TSC22D4: variants seen among roughly 807,000 people sequenced by gnomAD.
The protein encoded by TSC22D4 is TSC22 domain family protein 4.
TSC22D4 carries 5 observed loss-of-function variants against 24.9 expected under a neutral mutation model. The ratio of observed to expected loss-of-function variants is 0.20; its 90% confidence interval spans 0.10 to 0.42. The LOEUF (loss-of-function observed/expected upper bound fraction) is 0.42. Among genes scored for constraint, TSC22D4 ranks in the 10% least tolerant of loss-of-function variants. The probability of loss-of-function intolerance (pLI) is 1.00; values close to 1 mark genes in which losing one functional copy is unlikely to be tolerated. For missense variants in TSC22D4, 469 were observed against 547.9 expected (o/e 0.86, Z 1.44); for synonymous variants, 245 against 243.2 (o/e 1.01, Z -0.07).
chr7:100,466,984 G>A lies in TSC22D4; in HGVS notation c.1163C>T (p.Pro388Leu). The change falls in exon 5 of 5, where the codon CCT becomes CTT. Residue 388 changes from proline (P) to leucine (L), a missense_variant. Coordinates refer to ENST00000300181, the MANE Select transcript of TSC22D4 (RefSeq NM_030935.5). The stretch of plus-strand genomic sequence containing the variant: ...TCAGACGGAGGGCCCATTGGGCGCA[G>A]GGGGCCCAAGCCGTGGGACCCCCGA... ...PSSGVPRLGP[P>L]APNGPSV 6.3e-7 allele frequency: 1 copy of A among 1,587,566 alleles called. No homozygotes were observed. Among genetic ancestry groups the A allele is most frequent in the Non-Finnish European group, 8.6e-7 (1 of 1,166,878 alleles).
chr7:100,477,683 G>A lies in TSC22D4; in HGVS notation c.356C>T (p.Ala119Val), dbSNP rs376993526. The A allele has an allele frequency of 1.2e-4, 196 of 1,592,460 alleles. No individual in the cohort carries two copies. Among genetic ancestry groups the A allele is most frequent in the Non-Finnish European group, 1.6e-4 (188 of 1,175,492 alleles). Residue 119 changes from alanine (A) to valine (V), a missense_variant, in exon 2 of 5, where the codon GCC becomes GTC. By Grantham distance (64) the Ala-to-Val change is moderately conservative. Coordinates refer to ENST00000300181, the MANE Select transcript of TSC22D4 (RefSeq NM_030935.5). This position sits in a 1 kb window ranked among gnomAD's most constrained non-coding sequence, Gnocchi z 7.8. ...CCTGGAATCCAAAGATCTGCCCCCG[G>A]CGCCCCCTGAGGCCCCTCGAATTCC... ...LEGIRGASGG[A>V]GGRSLDSRLE...
At chr7:100,467,203 G>T in intron 4 of TSC22D4, 35 bp from the exon 5 acceptor site, 1 of 1,604,132 alleles carries the variant, frequency 6.2e-7, no homozygotes, top group Non-Finnish European at 8.5e-7. Flanking sequence ...CGTCAACGGG[G>T]TGGGTGCCTC....
At position 100,474,163 on chromosome 7, in the gene TSC22D4, C is replaced by T; in HGVS notation, c.929+111G>A. 1 of 1,452,208 alleles carries T rather than the reference C, an allele frequency of 6.9e-7. No individual in the cohort carries two copies. The highest frequency in any genetic ancestry group is 2.3e-5 in the East Asian group (1 of 43,488). The allele number at this position is 1,452,208 out of a possible 1,614,324, so 90.0% of individuals were successfully genotyped here. A position where few individuals can be genotyped will look rare whatever the true frequency, so the allele number is the denominator to read the frequency against. Reference sequence around the variant, plus strand: ...GCCAGGTTTCTCTAAGAGGTCCTCTCCAAGTTCAACCTGGGGGAAGGATGC... The same window carrying T: ...GCCAGGTTTCTCTAAGAGGTCCTCTTCAAGTTCAACCTGGGGGAAGGATGC... On this transcript the variant is annotated intron_variant, in intron 3 of 4. Coordinates refer to ENST00000300181, the MANE Select transcript of TSC22D4 (RefSeq NM_030935.5). The surrounding 1 kb of genome is among the most constrained non-coding windows in gnomAD (Gnocchi z 4.3).
chr7:100,471,889 G>GA (rs1391405439), intron 3 of TSC22D4, among the ~76,000 whole-genome samples: 1 of 152,102 alleles, frequency 6.6e-6, no homozygotes, highest in East Asian at 1.9e-4. Context: ...ATAAATAAAT[G>GA]TACCTTTTCT....
intron 2 of TSC22D4, among the ~76,000 whole-genome samples, chr7:100,475,828 GA>G (rs141615785): frequency 0.033 from 5,003 of 152,066 alleles, 290 homozygotes; most frequent in African/African-American, 0.11. Flanking sequence ...CAGCTTCTCA[GA>G]AAAGCCAAGA....
intron 3 of TSC22D4, among the ~76,000 whole-genome samples, chr7:100,469,013 G>A (rs1430278618): frequency 6.6e-6 from 1 of 151,920 alleles, no homozygotes; most frequent in Non-Finnish European, 1.5e-5. Flanking sequence ...ATCACCTGAG[G>A]TCAGAAGTTT....
rs1799460222 is a variant in TSC22D4, at chr7:100,474,656, G to A, written c.763-216C>T. Among the ~76,000 whole-genome samples, 1 of 152,124 alleles carries A rather than the reference G, an allele frequency of 6.6e-6. No individual in the cohort carries two copies. The highest frequency in any genetic ancestry group is 1.5e-5 in the Non-Finnish European group (1 of 68,026). ...AGTGGGTCAACCTAAGGAATGGGAG[G>A]AGTGGTGTATAGGACATTAGAGAGA... On this transcript the variant is annotated intron_variant, in intron 2 of 4. Transcript: ENST00000300181. This position sits in a 1 kb window ranked among gnomAD's most constrained non-coding sequence, Gnocchi z 4.3.
Position 100,474,500 on chromosome 7 carries a change from T to C in TSC22D4, c.763-60A>G. On this transcript the variant is annotated intron_variant, in intron 2 of 4. Coordinates refer to ENST00000300181, the MANE Select transcript of TSC22D4 (RefSeq NM_030935.5). This position sits in a 1 kb window ranked among gnomAD's most constrained non-coding sequence, Gnocchi z 4.3. ...AGAGAAAAGAAAGGAACCAGCTGCC[T>C]TAAAACTTGCCTATTAGCCTTCCTC... 2 of 1,595,348 alleles carry C rather than the reference T, an allele frequency of 1.3e-6. No individual in the cohort carries two copies. Among genetic ancestry groups the C allele is most frequent in the Admixed American group, 3.5e-5 (2 of 57,764 alleles).
chr7:100,477,869 G>T lies in TSC22D4; in HGVS notation c.170C>A (p.Thr57Asn), dbSNP rs771834307. The T allele has an allele frequency of 1.3e-6, 2 of 1,587,202 alleles. No individual in the cohort carries two copies. Among genetic ancestry groups the T allele is most frequent in the South Asian group, 2.3e-5 (2 of 88,366 alleles). Residue 57 changes from threonine to asparagine, a missense_variant, in exon 2 of 5, where the codon ACC (threonine) becomes AAC (asparagine). By Grantham distance (65) the Thr-to-Asn change is moderately conservative. Coordinates refer to ENST00000300181, the MANE Select transcript of TSC22D4 (RefSeq NM_030935.5). This position sits in a 1 kb window ranked among gnomAD's most constrained non-coding sequence, Gnocchi z 7.8. The part of the protein sequence containing the change: ...EPSPDPGGKG[T>N]PRNGSPPPGA... ...AGGTGGTGGGGAGCCATTCCGGGGG[G>T]TGCCCTTGCCCCCCGGATCGGGGCT...
Position 100,477,143 on chromosome 7 carries a change from GC to G in TSC22D4, c.762+133del. 1.4e-6 allele frequency: 1 copy of G among 737,840 alleles called. No homozygotes were observed. The highest frequency in any genetic ancestry group is 2.0e-6 in the Non-Finnish European group (1 of 494,110). The allele number at this position is 737,840 out of a possible 1,614,324, so 45.7% of individuals were successfully genotyped here. A position where few individuals can be genotyped will look rare whatever the true frequency, so the allele number is the denominator to read the frequency against. On this transcript the variant is annotated intron_variant, in intron 2 of 4. Transcript: ENST00000300181. The surrounding 1 kb of genome is among the most constrained non-coding windows in gnomAD (Gnocchi z 7.8). ...AAGGGGCTTCAGAGTGACCTGGCAG[GC>G]ACAGAGAAGAGGGCTATCTGATCTT...
chr7:100,467,828 G>A, intron 3 of TSC22D4: 2 of 694,964 alleles, frequency 2.9e-6, no homozygotes, highest in Non-Finnish European at 2.7e-6. Context: ...GCACCCCGGG[G>A]AGAGCAAGGG....
intron 3 of TSC22D4, among the ~76,000 whole-genome samples, chr7:100,473,263 T>C (rs1312816293): frequency 1.3e-5 from 2 of 152,076 alleles, no homozygotes; most frequent in Middle Eastern, 3.2e-3. Flanking sequence ...TGTTCCTAGC[T>C]GGCCCATCTT....
chr7:100,472,766 C>T (rs1338176760), intron 3 of TSC22D4, among the ~76,000 whole-genome samples: 1 of 151,662 alleles, frequency 6.6e-6, no homozygotes, highest in Non-Finnish European at 1.5e-5. Context: ...CTCCTGGCCA[C>T]CTCCTTTGCC....
At chr7:100,467,719 A>G (rs1449958776) in intron 3 of TSC22D4, 119 bp from the exon 4 acceptor site, 5 of 1,078,368 alleles carry the variant, frequency 4.6e-6, no homozygotes, top group Non-Finnish European at 7.1e-6. Flanking sequence ...AATGAGGGAG[A>G]GGAGGGTTTT....
At chr7:100,469,659 G>C (rs1410428421) in intron 3 of TSC22D4, among the ~76,000 whole-genome samples, 15 of 152,122 alleles carry the variant, frequency 9.9e-5, no homozygotes, top group Non-Finnish European at 2.2e-4. Flanking sequence ...GCTGTGGCGG[G>C]ATCCCCAGTC....
rs755734414 is a variant in TSC22D4 at position 100,477,897 on chromosome 7, G to A, written c.142C>T (p.Pro48Ser). 1.1e-5 allele frequency: 17 copies of A among 1,569,474 alleles called. No individual in the cohort carries two copies. The East Asian group carries it at 3.0e-4, about 28-fold the overall frequency. The part of the protein sequence containing the change: ...GPPPRLPNGE[P>S]SPDPGGKGTP... ...CCCTTGCCCCCCGGATCGGGGCTGG[G>A]CTCCCCATTGGGCAGGCGGGGCGGG... The change falls in exon 2 of 5, where the codon CCC (proline) becomes TCC (serine). Residue 48 changes from proline (P) to serine (S), a missense_variant. By Grantham distance (74) the Pro-to-Ser change is moderately conservative (BLOSUM62 -1). Transcript: ENST00000300181. This position sits in a 1 kb window ranked among gnomAD's most constrained non-coding sequence, Gnocchi z 7.8.
rs35439211 is a variant in TSC22D4 at position 100,478,350 on chromosome 7, A to AGTGTGTGTGT, written c.-269-53_-269-44dup. The stretch of plus-strand genomic sequence containing the variant: ...GAGAGAGAGAGAGAGAGAGAGAGAG[A>AGTGTGTGTGT]GTGTGTGTGTGTGTGTGTGTGTGTG... On this transcript the variant is annotated intron_variant, in intron 1 of 4. Transcript: ENST00000300181. 2.0e-3 allele frequency: 168 copies of AGTGTGTGTGT among 83,736 alleles called. 2 individuals carry two copies. The highest frequency in any genetic ancestry group is 6.0e-3 in the East Asian group (16 of 2,674). 5.2% of individuals were successfully genotyped at this position (83,736 alleles called of 1,614,324 possible). A position where few individuals can be genotyped will look rare whatever the true frequency, so the allele number is the denominator to read the frequency against.
chr7:100,472,571 G>C (rs1187911919), intron 3 of TSC22D4, among the ~76,000 whole-genome samples: 1 of 152,120 alleles, frequency 6.6e-6, no homozygotes, highest in East Asian at 1.9e-4. Context: ...TCCCAAGTGG[G>C]AGAGGGAGAG....
In TSC22D4 at chr7:100,474,453, A is replaced by G. The variant is rs1799455066; in HGVS notation, c.763-13T>C. ...CAAGTGGGGGCACCTGGAGGCGGAGAGGTAGGAACCATCACATGAAAAGAG... is the reference window on the plus strand; with the variant it reads ...CAAGTGGGGGCACCTGGAGGCGGAGGGGTAGGAACCATCACATGAAAAGAG... On this transcript the variant is annotated splice_polypyrimidine_tract_variant and intron_variant, in intron 2 of 4. Coordinates refer to ENST00000300181, the MANE Select transcript of TSC22D4 (RefSeq NM_030935.5). The surrounding 1 kb of genome is among the most constrained non-coding windows in gnomAD (Gnocchi z 4.3). The G allele has an allele frequency of 6.2e-7, 1 of 1,613,486 alleles. No homozygotes were observed. The highest frequency in any genetic ancestry group is 1.1e-5 in the South Asian group (1 of 91,072).
Sources: allele counts gnomAD v4.1 joint callset (sites outside exome capture counted in the v4.1 genomes callset), GRCh38; gene constraint gnomAD v4.1.1; non-coding constraint Gnocchi (gnomAD v3.1); transcripts MANE v1.5; gene names NCBI Gene and HGNC (gene_info 2026-07-23, HGNC 2026-07-21).